STAM2: variants seen among roughly 807,000 people sequenced by gnomAD.
The protein encoded by STAM2 is signal transducing adaptor molecule 2.
In STAM2, 51 loss-of-function variants were observed where a neutral mutation model predicts 65.6. The ratio of observed to expected loss-of-function variants is 0.78; its 90% CI spans 0.62 to 0.98. The LOEUF (loss-of-function observed/expected upper bound fraction) is 0.98. Ranked by LOEUF, STAM2 falls within the 50% of genes least tolerant of loss-of-function variation. STAM2 has a pLI of 0.00. For synonymous variants in STAM2, 198 were observed against 208.4 expected, an observed-to-expected ratio of 0.95 and a Z score of 0.43; for missense variants, 584 against 617.8, an observed-to-expected ratio of 0.95 and a Z score of 0.58.
intron 1 of STAM2, among the ~76,000 whole-genome samples, chr2:152,154,559 A>C (rs1579327919): frequency 6.6e-6 from 1 of 152,332 alleles, no homozygotes; most frequent in Non-Finnish European, 1.5e-5. Flanking sequence ...TCGAGGTTGC[A>C]GTGAGACAAG....
At chr2:152,173,747 GTAATA>G in intron 1 of STAM2, among the ~76,000 whole-genome samples, 1 of 152,294 alleles carries the variant, frequency 6.6e-6, no homozygotes, top group African/African-American at 2.4e-5. Context: ...TATTAAAAAC[GTAATA>G]TATAATTTTT....
intron 2 of STAM2, 95 bp downstream of exon 2, chr2:152,150,050 G>A (rs1284981040): frequency 1.2e-6 from 1 of 829,114 alleles, no homozygotes; most frequent in African/African-American, 1.7e-5. Flanking sequence ...GGTCAACTGT[G>A]ATAAAGTCTC....
chr2:152,130,741 G>A (rs1348974227), intron 11 of STAM2, among the ~76,000 whole-genome samples: 1 of 151,236 alleles, frequency 6.6e-6, no homozygotes. Context: ...GCTCACACCT[G>A]TAATCCCAAC....
At chr2:152,128,017 T>A (rs1688990566) in intron 11 of STAM2, among the ~76,000 whole-genome samples, 1 of 152,152 alleles carries the variant, frequency 6.6e-6, no homozygotes. Context: ...GATTTGTCAC[T>A]TTTCCTCTAC....
intron 1 of STAM2, among the ~76,000 whole-genome samples, chr2:152,169,643 G>C (rs952967168): frequency 6.6e-6 from 1 of 152,114 alleles, no homozygotes; most frequent in Non-Finnish European, 1.5e-5. Context: ...GAATGATGAA[G>C]AAACATATGA....
In STAM2 at chr2:152,132,118, C is replaced by T. The variant is rs749617784; in HGVS notation, c.1021G>A (p.Asp341Asn). Residue 341 changes from aspartate to asparagine, a missense_variant, in exon 11 of 14, where the codon GAT (aspartate) becomes AAT (asparagine). Transcript: ENST00000263904. ...PMIDEKLEEI[D>N]RKHSELSELN... ...TTCCTGCACGAAAAATCTCACCTAT[C>T]AATTTCTTCAAGTTTTTCATCTATC... 1 of 1,611,068 alleles carries T rather than the reference C, an allele frequency of 6.2e-7. No individual in the cohort carries two copies.
intron 1 of STAM2, among the ~76,000 whole-genome samples, chr2:152,164,172 C>T (rs1031295803): frequency 3.9e-5 from 6 of 152,078 alleles, no homozygotes; most frequent in Non-Finnish European, 8.8e-5. Context: ...TCTCTTTGTA[C>T]TCTTTCTCTC....
At chr2:152,145,069 T>G (rs1689313474) in intron 5 of STAM2, 112 bp from the exon 6 acceptor site, 3 of 850,630 alleles carry the variant, frequency 3.5e-6, no homozygotes, top group East Asian at 2.5e-5. Context: ...TGAGTTTCAT[T>G]TAAAAGTGAA....
intron 1 of STAM2, among the ~76,000 whole-genome samples, chr2:152,166,950 G>A (rs1689799326): frequency 1.3e-5 from 2 of 152,286 alleles, no homozygotes; most frequent in East Asian, 1.9e-4. Context: ...TACGTTTACC[G>A]ACCAAGAAAA....
intron 2 of STAM2, among the ~76,000 whole-genome samples, chr2:152,148,597 G>C (rs551532572): frequency 1.3e-5 from 2 of 152,166 alleles, no homozygotes; most frequent in African/African-American, 2.4e-5. Flanking sequence ...TTGAGCCCAG[G>C]AAGCTGCTGT....
chr2:152,121,862 G>C (rs1688859009), intron 13 of STAM2, among the ~76,000 whole-genome samples: 1 of 151,968 alleles, frequency 6.6e-6, no homozygotes, highest in Non-Finnish European at 1.5e-5. Context: ...GGCTAACACA[G>C]TGAAACTCCG....
At chr2:152,137,876 T>A (rs1047772954) in intron 7 of STAM2, among the ~76,000 whole-genome samples, 1 of 152,172 alleles carries the variant, frequency 6.6e-6, no homozygotes, top group Non-Finnish European at 1.5e-5. Flanking sequence ...AGTCCACCAT[T>A]TTTTCTAGTA....
At chr2:152,129,797 A>C (rs1340860617) in intron 11 of STAM2, among the ~76,000 whole-genome samples, 1 of 152,234 alleles carries the variant, frequency 6.6e-6, no homozygotes, top group Non-Finnish European at 1.5e-5. Context: ...GCTGCATTGA[A>C]ACAAAGTAGA....
At chr2:152,134,471 A>C (rs1421521851) in intron 8 of STAM2, among the ~76,000 whole-genome samples, 1 of 152,354 alleles carries the variant, frequency 6.6e-6, no homozygotes, top group African/African-American at 2.4e-5. Flanking sequence ...ATCAGTGAGT[A>C]TCAACCTCTC....
chr2:152,122,074 ATATGTG>A (rs760007623), intron 13 of STAM2, among the ~76,000 whole-genome samples: 25,567 of 134,910 alleles, frequency 0.19, 2,566 homozygotes, highest in East Asian at 0.29. Flanking sequence ...ATATATATAT[ATATGTG>A]TGTGTGTGTG....
Position 152,133,464 on chromosome 2 carries a change from C to T in STAM2, c.820G>A (p.Val274Ile). ...TEAAAVDKLNVIDDDVEEIKK... is the reference protein window; with the variant it reads ...TEAAAVDKLNIIDDDVEEIKK... ...ATTTCCTCCACATCATCATCAATTA[C>T]ATTCAATTTGTCCACAGCCGCTATA... Residue 274 changes from valine (V) to isoleucine (I), a missense_variant, in exon 9 of 14, where the codon GTA becomes ATA. Physicochemically the swap from Val to Ile is conservative, Grantham distance 29. Transcript: ENST00000263904. 6.2e-7 allele frequency: 1 copy of T among 1,612,624 alleles called. No individual in the cohort carries two copies. Among genetic ancestry groups the T allele is most frequent in the Non-Finnish European group, 8.5e-7 (1 of 1,179,186 alleles).
chr2:152,150,089 A>G lies in STAM2; in HGVS notation c.125+56T>C, dbSNP rs986000333. 10 of 1,182,094 alleles carry G rather than the reference A, an allele frequency of 8.5e-6. No homozygotes were observed. In the African/African-American group the frequency reaches 1.4e-4, roughly 16 times the overall value. The allele number at this position is 1,182,094 out of a possible 1,614,324, so 73.2% of individuals were successfully genotyped here. On this transcript the variant is annotated intron_variant, in intron 2 of 13. Coordinates refer to ENST00000263904, the MANE Select transcript of STAM2 (RefSeq NM_005843.6). Reference sequence around the variant, plus strand: ...TTCCTCTCAAAGTTACATCACAAAAAGAGACACTGGTTATCAAGTTCCTAG... The same window carrying G: ...TTCCTCTCAAAGTTACATCACAAAAGGAGACACTGGTTATCAAGTTCCTAG...
rs1232347228 is a variant in STAM2, at chr2:152,117,465, GA to G, written c.*3108del. 6.6e-6 allele frequency: 1 copy of G among 152,066 alleles called. No homozygotes were observed. The highest frequency in any genetic ancestry group is 2.4e-5 in the African/African-American group (1 of 41,404). The allele number at this position is 152,066 out of a possible 1,614,324, so 9.4% of individuals were successfully genotyped here. Reference sequence around the variant, plus strand: ...TGAGCCACTGTATCTGGCCTCTGGGGAAAACTTTTAGAAATATACTTTTAAT... The same window carrying G: ...TGAGCCACTGTATCTGGCCTCTGGGGAAACTTTTAGAAATATACTTTTAAT... On this transcript the variant is annotated 3_prime_UTR_variant, in exon 14 of 14. Coordinates refer to ENST00000263904, the MANE Select transcript of STAM2 (RefSeq NM_005843.6).
At chr2:152,162,478 G>A (rs1689700039) in intron 1 of STAM2, among the ~76,000 whole-genome samples, 1 of 152,152 alleles carries the variant, frequency 6.6e-6, no homozygotes, top group South Asian at 2.1e-4. Flanking sequence ...TACTCAGAAG[G>A]CTGAGGCAGG....
Sources: gnomAD v4.1 joint callset for allele counts (sites outside exome capture counted in the v4.1 genomes callset) on GRCh38, gnomAD v4.1.1 for gene constraint, MANE v1.5 for transcripts, NCBI Gene and HGNC (gene_info 2026-07-23, HGNC 2026-07-21) for gene names.